Variants in TTC28 observed in about 807,000 individuals in gnomAD.
TTC28 encodes tetratricopeptide repeat protein 28.
Under a neutral mutation model 198.0 loss-of-function variants are expected in TTC28, and 61 were observed. That is an observed-to-expected ratio of 0.31 (90% CI 0.25 to 0.38). The LOEUF (loss-of-function observed/expected upper bound fraction) is 0.38. TTC28 is among the 10% of genes least tolerant of loss of function. TTC28 has a pLI of 1.00. For synonymous variants in TTC28, 1,171 were observed against 1,297.8 expected (o/e 0.90, Z 2.10); for missense variants, 2,678 against 3,164.0 (o/e 0.85, Z 3.69).
intron 2 of TTC28, among the ~76,000 whole-genome samples, chr22:28,355,646 G>A (rs533697783): frequency 7.2e-5 from 11 of 152,312 alleles, no homozygotes; most frequent in African/African-American, 2.6e-4. Context: ...CTATTAAAGT[G>A]GAAGCCAATT....
chr22:27,982,119 G>A lies in TTC28; in HGVS notation c.*102C>T. 2 of 1,193,796 alleles carry A rather than the reference G, an allele frequency of 1.7e-6. No homozygotes were observed. The highest frequency in any genetic ancestry group is 2.3e-6 in the Non-Finnish European group (2 of 872,356). The allele number at this position is 1,193,796 out of a possible 1,614,324, so 74.0% of individuals were successfully genotyped here. On this transcript the variant is annotated 3_prime_UTR_variant, in exon 23 of 23. Coordinates refer to ENST00000397906, the MANE Select transcript of TTC28 (RefSeq NM_001145418.2). The surrounding 1 kb of genome is among the most constrained non-coding windows in gnomAD (Gnocchi z 5.2). ...TCGCCTGCAGAGCACAGCATCATGA[G>A]GGTGCTGGTGGCTGTGGGGGGACTG...
intron 2 of TTC28, among the ~76,000 whole-genome samples, chr22:28,440,407 G>A (rs553185160): frequency 6.6e-6 from 1 of 152,274 alleles, no homozygotes; most frequent in African/African-American, 2.4e-5. Context: ...AATCCAGCAA[G>A]TAAGCAGAGA....
At chr22:28,520,671 T>C (rs1369359712) in intron 2 of TTC28, among the ~76,000 whole-genome samples, 2 of 151,898 alleles carry the variant, frequency 1.3e-5, no homozygotes, top group African/African-American at 4.8e-5. Context: ...AGTGAGAGGA[T>C]TGCTTAAGCC....
intron 16 of TTC28, among the ~76,000 whole-genome samples, chr22:27,996,928 T>C (rs904878599): frequency 2.0e-5 from 3 of 152,234 alleles, no homozygotes; most frequent in Admixed American, 1.3e-4. Flanking sequence ...TTGTGACTTA[T>C]CTATCAACAA....
chr22:28,559,046 A>AG (rs1161122886), intron 2 of TTC28, among the ~76,000 whole-genome samples: 2 of 152,160 alleles, frequency 1.3e-5, no homozygotes, highest in African/African-American at 4.8e-5. Flanking sequence ...AAAAAAAAAA[A>AG]AGAGAGAATT....
At chr22:28,515,790 A>C (rs1483123055) in intron 2 of TTC28, among the ~76,000 whole-genome samples, 1 of 152,194 alleles carries the variant, frequency 6.6e-6, no homozygotes, top group Non-Finnish European at 1.5e-5. Context: ...AATGGATAGT[A>C]ATAATTGCCA....
At chr22:28,413,931 C>A (rs554762719) in intron 2 of TTC28, among the ~76,000 whole-genome samples, 4 of 152,090 alleles carry the variant, frequency 2.6e-5, no homozygotes, top group Non-Finnish European at 4.4e-5. Flanking sequence ...GATCTTCGAG[C>A]TTTGTGGAAA....
At chr22:28,523,109 G>A (rs528968599) in intron 2 of TTC28, among the ~76,000 whole-genome samples, 1 of 152,018 alleles carries the variant, frequency 6.6e-6, no homozygotes, top group Non-Finnish European at 1.5e-5. Flanking sequence ...ACTTGCAAGA[G>A]ATATACTTTA....
chr22:28,657,573 T>A (rs2051678734), intron 1 of TTC28, among the ~76,000 whole-genome samples: 2 of 152,216 alleles, frequency 1.3e-5, no homozygotes, highest in Admixed American at 6.5e-5. Context: ...TGTGTACAAT[T>A]TATTTTCTAA....
chr22:28,407,926 C>T (rs1195960800), intron 2 of TTC28, among the ~76,000 whole-genome samples: 1 of 152,162 alleles, frequency 6.6e-6, no homozygotes, highest in Admixed American at 6.5e-5. Flanking sequence ...CTTTCTAAGG[C>T]CACAGGATAT....
chr22:28,279,759 G>A (rs2044547885), intron 5 of TTC28, among the ~76,000 whole-genome samples: 1 of 152,244 alleles, frequency 6.6e-6, no homozygotes, highest in African/African-American at 2.4e-5. Flanking sequence ...TAAAGTACCC[G>A]TATAGCTCTT....
intron 2 of TTC28, among the ~76,000 whole-genome samples, chr22:28,375,855 C>T (rs778399686): frequency 6.6e-5 from 10 of 152,156 alleles, no homozygotes; most frequent in Non-Finnish European, 1.3e-4. Flanking sequence ...TGGGATAGTC[C>T]CTTCCTCCTG....
At chr22:28,573,364 GA>G (rs2050093198) in intron 2 of TTC28, among the ~76,000 whole-genome samples, 2 of 151,664 alleles carry the variant, frequency 1.3e-5, no homozygotes, top group Admixed American at 1.3e-4. Context: ...TGAGGCAGGA[GA>G]ATCACTTGAA....
rs1475311003 is a variant in TTC28 at position 28,571,963 on chromosome 22, A to AC, written c.381+57588_381+57589insG. Among the ~76,000 whole-genome samples the AC allele has an allele frequency of 4.6e-3, 680 of 147,894 alleles. 5 individuals carry two copies. Among genetic ancestry groups the AC allele is most frequent in the Middle Eastern group, 0.021 (6 of 288 alleles). On this transcript the variant is annotated intron_variant, in intron 2 of 22. Transcript: ENST00000397906. The stretch of plus-strand genomic sequence containing the variant: ...AGACTCCATTTCAAAAAAAAAAAAA[A>AC]AAAAACAAACAAAAAAAAAACCGAT...
intron 5 of TTC28, among the ~76,000 whole-genome samples, chr22:28,242,296 T>C (rs930780924): frequency 6.6e-6 from 1 of 152,198 alleles, no homozygotes; most frequent in South Asian, 2.1e-4. Flanking sequence ...TTATATCACA[T>C]TTACTTGTTA....
intron 5 of TTC28, among the ~76,000 whole-genome samples, chr22:28,209,645 G>C (rs927872147): frequency 3.0e-4 from 46 of 152,188 alleles, no homozygotes; most frequent in Non-Finnish European, 2.8e-4. Flanking sequence ...CCAGAAGCTC[G>C]AACTGGGTGG....
rs1475513092 is a variant in TTC28, at chr22:27,990,951, G to A, written c.5554-139C>T. ...AGGCCCGCGGCTCTGACTGGGAGGG[G>A]AGAGGAGCAAGAGTCAGCAGGGGAC... On this transcript the variant is annotated intron_variant, in intron 19 of 22. Coordinates refer to ENST00000397906, the MANE Select transcript of TTC28 (RefSeq NM_001145418.2). 4 of 840,330 alleles carry A rather than the reference G, an allele frequency of 4.8e-6. No homozygotes were observed. The African/African-American group carries it at 5.1e-5, about 11-fold the overall frequency. 52.1% of individuals were successfully genotyped at this position (840,330 alleles called of 1,614,324 possible). A position where few individuals can be genotyped will look rare whatever the true frequency, so the allele number is the denominator to read the frequency against.
chr22:28,413,400 T>C (rs775284557), intron 2 of TTC28, among the ~76,000 whole-genome samples: 7 of 152,170 alleles, frequency 4.6e-5, no homozygotes, highest in Non-Finnish European at 1.0e-4. Flanking sequence ...ATTGCGCGAC[T>C]GAGCGAGACT....
At chr22:28,329,272 A>G (rs1350487253) in intron 2 of TTC28, among the ~76,000 whole-genome samples, 1 of 152,228 alleles carries the variant, frequency 6.6e-6, no homozygotes, top group East Asian at 1.9e-4. Context: ...GCTTAAAGAA[A>G]AATAAGCATA....
Sources: allele counts gnomAD v4.1 joint callset (sites outside exome capture counted in the v4.1 genomes callset), GRCh38; gene constraint gnomAD v4.1.1; non-coding constraint Gnocchi (gnomAD v3.1); transcripts MANE v1.5; gene names NCBI Gene and HGNC (gene_info 2026-07-23, HGNC 2026-07-21).